Variants in HIPK3 observed in about 807,000 individuals in gnomAD.
HIPK3 encodes homeodomain-interacting protein kinase 3.
A neutral mutation model predicts 124.2 loss-of-function variants in HIPK3; 47 were observed. The observed-to-expected ratio is 0.38, with a 90% CI of 0.30 to 0.48. The LOEUF (loss-of-function observed/expected upper bound fraction) is 0.48, where lower values mean the gene tolerates loss of function less well. Among genes scored for constraint, HIPK3 ranks in the 20% least tolerant of loss-of-function variants. The pLI is 0.98. For synonymous variants in HIPK3, 482 were observed against 515.2 expected (o/e 0.94, Z 0.87); for missense variants, 1,286 against 1,454.3 (o/e 0.88, Z 1.88).
chr11:33,346,012 T>C (rs1853482273), intron 8 of HIPK3, among the ~76,000 whole-genome samples: 2 of 152,282 alleles, frequency 1.3e-5, no homozygotes, highest in East Asian at 3.9e-4. Flanking sequence ...TATATTTAAA[T>C]AATTTGCAAG....
At chr11:33,315,517 G>A (rs1004631955) in intron 2 of HIPK3, among the ~76,000 whole-genome samples, 6 of 152,190 alleles carry the variant, frequency 3.9e-5, no homozygotes, top group South Asian at 2.1e-4. Context: ...GAGCCACTGC[G>A]CCTGGCCTTA....
At chr11:33,261,719 C>T (rs531942406) in intron 1 of HIPK3, among the ~76,000 whole-genome samples, 4 of 152,258 alleles carry the variant, frequency 2.6e-5, no homozygotes, top group African/African-American at 4.8e-5. Context: ...ATGTATATTT[C>T]TTTGGATATA....
chr11:33,313,718 A>C (rs1201680253), intron 2 of HIPK3, among the ~76,000 whole-genome samples: 1 of 152,230 alleles, frequency 6.6e-6, no homozygotes, highest in Non-Finnish European at 1.5e-5. Flanking sequence ...TAATTTAAGA[A>C]ATGGTGTGCT....
chr11:33,325,581 C>CT (rs1433349430), intron 2 of HIPK3, among the ~76,000 whole-genome samples: 1 of 152,158 alleles, frequency 6.6e-6, no homozygotes, highest in Non-Finnish European at 1.5e-5. Context: ...GCCCCGTTCT[C>CT]TTTCTTTCTG....
intron 2 of HIPK3, among the ~76,000 whole-genome samples, chr11:33,293,528 C>G (rs966012422): frequency 1.3e-5 from 2 of 152,050 alleles, no homozygotes. Context: ...AATATATGGT[C>G]CTTTTCGACT....
At chr11:33,320,422 G>A (rs751524177) in intron 2 of HIPK3, among the ~76,000 whole-genome samples, 1 of 152,092 alleles carries the variant, frequency 6.6e-6, no homozygotes, top group Non-Finnish European at 1.5e-5. Context: ...GACTTTTACT[G>A]TGATAGGAAG....
chr11:33,261,181 T>C (rs894895221), intron 1 of HIPK3, among the ~76,000 whole-genome samples: 2 of 146,966 alleles, frequency 1.4e-5, no homozygotes, highest in Non-Finnish European at 3.0e-5. Context: ...TTATATAAAA[T>C]ATATATTATA....
chr11:33,286,034 C>CA (rs1851540313), intron 1 of HIPK3, among the ~76,000 whole-genome samples: 2 of 152,260 alleles, frequency 1.3e-5, no homozygotes, highest in South Asian at 4.1e-4. Context: ...CTCAGCCTCT[C>CA]AAAGTGCTAG....
At position 33,320,650 on chromosome 11, in the gene HIPK3, G is replaced by A. The variant is rs183344345; in HGVS notation, c.1098-7860G>A. ...TCTGTTAATAGATACACCATATTTT[G>A]AAGATAGAGTCAATGGAATTTGCTG... On this transcript the variant is annotated intron_variant, in intron 2 of 16. Coordinates refer to ENST00000303296, the MANE Select transcript of HIPK3 (RefSeq NM_005734.5). Among the ~76,000 whole-genome samples, 245 of 152,304 alleles carry A rather than the reference G, an allele frequency of 1.6e-3. 3 individuals carry two copies. The highest frequency in any genetic ancestry group is 5.6e-3 in the Admixed American group (86 of 15,298).
At chr11:33,295,274 A>ACCCCCCCCC (rs1359081985) in intron 2 of HIPK3, among the ~76,000 whole-genome samples, 1 of 104,510 alleles carries the variant, frequency 9.6e-6, no homozygotes. Flanking sequence ...AGCAGCCACC[A>ACCCCCCCCC]CCGCCCCCCC....
intron 14 of HIPK3, 35 bp downstream of exon 14, chr11:33,349,322 G>A (rs1345879797): frequency 6.5e-7 from 1 of 1,548,580 alleles, no homozygotes; most frequent in Non-Finnish European, 8.8e-7. Flanking sequence ...GTAATAAATA[G>A]TAAGTCTACT....
intron 2 of HIPK3, among the ~76,000 whole-genome samples, chr11:33,303,372 A>G (rs372557879): frequency 1.6e-4 from 24 of 152,324 alleles, no homozygotes; most frequent in African/African-American, 5.8e-4. Context: ...CTGTTTTTTA[A>G]TCTGTGGTTG....
chr11:33,299,883 C>T (rs1343325849), intron 2 of HIPK3, among the ~76,000 whole-genome samples: 1 of 151,318 alleles, frequency 6.6e-6, no homozygotes, highest in African/African-American at 2.4e-5. Flanking sequence ...ATTAGCTGAG[C>T]TTGGTGGTGT....
intron 2 of HIPK3, among the ~76,000 whole-genome samples, chr11:33,321,107 A>G (rs1852651599): frequency 6.6e-6 from 1 of 152,184 alleles, no homozygotes; most frequent in Non-Finnish European, 1.5e-5. Context: ...AGGGTGTGCT[A>G]GTGAGATAAG....
At chr11:33,268,439 C>G (rs1034524329) in intron 1 of HIPK3, among the ~76,000 whole-genome samples, 2 of 151,166 alleles carry the variant, frequency 1.3e-5, no homozygotes, top group South Asian at 2.1e-4. Flanking sequence ...ATAAAAAATA[C>G]AATTACCTGA....
rs538192681 is a variant in HIPK3, at chr11:33,337,742, C to T, written c.1341+548C>T. 3.2e-4 allele frequency among the ~76,000 whole-genome samples: 49 copies of T among 151,206 alleles called. 1 individual carries two copies. The East Asian group carries it at 8.4e-3, about 26-fold the overall frequency. On this transcript the variant is annotated intron_variant, in intron 4 of 16. Transcript: ENST00000303296. ...AGGCTGGAGCGCAGTGGTGTAATCTCGGCTCACTGCAACCTCCACCTCCCA... is the reference window on the plus strand; with the variant it reads ...AGGCTGGAGCGCAGTGGTGTAATCTTGGCTCACTGCAACCTCCACCTCCCA...
intron 8 of HIPK3, among the ~76,000 whole-genome samples, chr11:33,344,637 C>G (rs568061141): frequency 7.2e-5 from 11 of 152,172 alleles, no homozygotes; most frequent in Non-Finnish European, 1.3e-4. Flanking sequence ...GAATTACTGT[C>G]ACAGACTCAT....
At chr11:33,258,530 C>T in intron 1 of HIPK3, 3 of 985,516 alleles carry the variant, frequency 3.0e-6, no homozygotes, top group South Asian at 9.4e-5. Context: ...CCAGCGGCGG[C>T]GGGAGGAAGG....
intron 1 of HIPK3, among the ~76,000 whole-genome samples, chr11:33,277,685 A>G (rs1851307330): frequency 6.6e-6 from 1 of 152,226 alleles, no homozygotes; most frequent in African/African-American, 2.4e-5. Flanking sequence ...ATTTCTCTAG[A>G]TGGAGTATAC....
Sources: allele counts gnomAD v4.1 joint callset (sites outside exome capture counted in the v4.1 genomes callset), GRCh38; gene constraint gnomAD v4.1.1; transcripts MANE v1.5; gene names NCBI Gene and HGNC (gene_info 2026-07-23, HGNC 2026-07-21).